The following EGFR variants were observed in gnomAD, a reference collection of about 807,000 sequenced individuals.
The protein encoded by EGFR is epidermal growth factor receptor, also known as avian erythroblastic leukemia viral (v-erb-b) oncogene homolog.
A neutral mutation model predicts 143.0 loss-of-function variants in EGFR; 58 were observed. That is an observed-to-expected ratio of 0.41 (90% CI 0.33 to 0.50). The LOEUF is 0.50. EGFR is among the 20% of genes least tolerant of loss of function. The pLI is 0.39. For missense variants in EGFR, 1,307 were observed against 1,579.0 expected, an observed-to-expected ratio of 0.83 and a Z score of 2.92; for synonymous variants, 613 against 594.4, an observed-to-expected ratio of 1.03 and a Z score of -0.45.
At chr7:55,182,053 G>T (rs1786906052) in intron 20 of EGFR, 1 of 170,544 alleles carries the variant, frequency 5.9e-6, no homozygotes, top group Non-Finnish European at 1.3e-5. Flanking sequence ...AGGTAGCCCT[G>T]CCTGGGTGCT....
At chr7:55,091,442 T>C (rs945316078) in intron 1 of EGFR, among the ~76,000 whole-genome samples, 1 of 152,094 alleles carries the variant, frequency 6.6e-6, no homozygotes, top group African/African-American at 2.4e-5. Context: ...CCATAGCTGG[T>C]GGCGGGGGCC....
chr7:55,182,694 T>C (rs1273853867), intron 20 of EGFR, among the ~76,000 whole-genome samples: 1 of 152,106 alleles, frequency 6.6e-6, no homozygotes, highest in Non-Finnish European at 1.5e-5. Context: ...TCATCGGGCA[T>C]TGATATCTCA....
rs116160840 is a variant in EGFR, at chr7:55,030,652, T to G, written c.88+11287T>G. Among the ~76,000 whole-genome samples the G allele has an allele frequency of 6.9e-3, 1,044 of 152,340 alleles. 17 individuals carry two copies. The highest frequency in any genetic ancestry group is 0.023 in the African/African-American group (970 of 41,584). ...GGCAAGCTGTAGTAATTCCCTTACATAGATTTGTAAGACTCATTTCTATGA... is the reference window on the plus strand; with the variant it reads ...GGCAAGCTGTAGTAATTCCCTTACAGAGATTTGTAAGACTCATTTCTATGA... On this transcript the variant is annotated intron_variant, in intron 1 of 27. Coordinates refer to ENST00000275493, the MANE Select transcript of EGFR (RefSeq NM_005228.5).
chr7:55,051,809 C>G (rs2128874459), intron 1 of EGFR, among the ~76,000 whole-genome samples: 1 of 152,326 alleles, frequency 6.6e-6, no homozygotes, highest in African/African-American at 2.4e-5. Flanking sequence ...AGACGCTGAC[C>G]ACTGCTTAGT....
At chr7:55,164,607 G>C (rs2128945477) in intron 14 of EGFR, among the ~76,000 whole-genome samples, 1 of 152,234 alleles carries the variant, frequency 6.6e-6, no homozygotes, top group Middle Eastern at 3.4e-3. Context: ...GCTGGCTCTG[G>C]GCACACACAG....
chr7:55,203,497 C>T (rs955131776), intron 27 of EGFR, among the ~76,000 whole-genome samples: 5 of 145,632 alleles, frequency 3.4e-5, no homozygotes, highest in African/African-American at 1.0e-4. Context: ...CACACAGACA[C>T]ATATACACTA....
At chr7:55,185,523 G>T (rs1301616633) in intron 20 of EGFR, among the ~76,000 whole-genome samples, 5 of 152,230 alleles carry the variant, frequency 3.3e-5, no homozygotes, top group African/African-American at 1.2e-4. Context: ...TCTCCCCGTG[G>T]AGCCTCCCAT....
At chr7:55,143,600 C>G (rs1794592688) in intron 3 of EGFR, 112 bp downstream of exon 3, 6 of 1,220,608 alleles carry the variant, frequency 4.9e-6, no homozygotes, top group Non-Finnish European at 7.1e-6. Flanking sequence ...TTATTTTTAC[C>G]CAGTACACGT....
intron 3 of EGFR, among the ~76,000 whole-genome samples, chr7:55,144,747 G>A (rs1794667259): frequency 6.6e-6 from 1 of 152,182 alleles, no homozygotes. Context: ...CTCGGAGGGA[G>A]GCAGCCTGTG....
chr7:55,052,904 T>G (rs914916401), intron 1 of EGFR, among the ~76,000 whole-genome samples: 2 of 152,162 alleles, frequency 1.3e-5, no homozygotes, highest in African/African-American at 4.8e-5. Flanking sequence ...TTCTTTTTCC[T>G]GCTTCATCCA....
chr7:55,191,661 A>T (rs1357517883), intron 20 of EGFR, 58 bp from the exon 21 acceptor site: 70 of 1,609,440 alleles, frequency 4.3e-5, no homozygotes, highest in Non-Finnish European at 5.4e-5. Context: ...CTGAATTCGG[A>T]TGCAGAGCTT....
chr7:55,030,249 T>C (rs1787174027), intron 1 of EGFR, among the ~76,000 whole-genome samples: 1 of 152,244 alleles, frequency 6.6e-6, no homozygotes, highest in South Asian at 2.1e-4. Flanking sequence ...TTTAGTTCTA[T>C]TTGTGAATCA....
chr7:55,180,946 G>C, intron 19 of EGFR: 1 of 399,502 alleles, frequency 2.5e-6, no homozygotes, highest in Non-Finnish European at 4.7e-6. Context: ...ACCTTGAGGC[G>C]GAGGTCTTCA....
chr7:55,019,474 C>T (rs1455421605), intron 1 of EGFR, 109 bp downstream of exon 1: 2 of 542,388 alleles, frequency 3.7e-6, no homozygotes, highest in Non-Finnish European at 5.1e-6. Flanking sequence ...CGCCCCCGCC[C>T]GTCCTTTCCT....
intron 1 of EGFR, among the ~76,000 whole-genome samples, chr7:55,104,404 GGAT>G (rs1792002142): frequency 6.6e-6 from 1 of 152,294 alleles, no homozygotes; most frequent in East Asian, 1.9e-4. Flanking sequence ...GGAGCCCCAT[GGAT>G]TCTGAGACAG....
intron 1 of EGFR, among the ~76,000 whole-genome samples, chr7:55,095,054 C>T (rs972726269): frequency 6.6e-6 from 1 of 152,116 alleles, no homozygotes; most frequent in Admixed American, 6.5e-5. Flanking sequence ...TTAAAAGATT[C>T]ATCTTTTAAA....
intron 1 of EGFR, among the ~76,000 whole-genome samples, chr7:55,054,998 G>A (rs1207593510): frequency 6.6e-6 from 1 of 152,186 alleles, no homozygotes; most frequent in Non-Finnish European, 1.5e-5. Flanking sequence ...CTGCCCTCCT[G>A]TTCACAGCGG....
chr7:55,030,921 A>G lies in EGFR; in HGVS notation c.88+11556A>G, dbSNP rs77734940. Among the ~76,000 whole-genome samples, 1,515 of 152,368 alleles carry G rather than the reference A, an allele frequency of 9.9e-3. 12 individuals carry two copies. The highest frequency in any genetic ancestry group is 0.014 in the Admixed American group (212 of 15,310). On this transcript the variant is annotated intron_variant, in intron 1 of 27. Coordinates refer to ENST00000275493, the MANE Select transcript of EGFR (RefSeq NM_005228.5). ...GAAGGAATGGAATGGAGAGTGCGGC[A>G]GTGAGTAGATCTCTCAGTGACGGTG...
chr7:55,048,176 C>T (rs946718103), intron 1 of EGFR, among the ~76,000 whole-genome samples: 22 of 152,070 alleles, frequency 1.4e-4, no homozygotes, highest in African/African-American at 4.3e-4. Context: ...GACCCCCCCT[C>T]GGTTTGTTTT....
Sources: allele counts gnomAD v4.1 joint callset (sites outside exome capture counted in the v4.1 genomes callset), GRCh38; gene constraint gnomAD v4.1.1; transcripts MANE v1.5; gene names NCBI Gene and HGNC (gene_info 2026-07-23, HGNC 2026-07-21).